The following ZNF385B variants were observed in gnomAD, a reference collection of about 807,000 sequenced individuals.
ZNF385B encodes zinc finger protein 385B, also known as zinc finger protein 533.
Under a neutral mutation model 39.2 loss-of-function variants are expected in ZNF385B, and 23 were observed. That is an observed-to-expected ratio of 0.59 (90% CI 0.42 to 0.83). ZNF385B has a LOEUF of 0.83. Ranked by LOEUF, ZNF385B falls within the 40% of genes least tolerant of loss-of-function variation. The pLI, the probability that ZNF385B is intolerant of heterozygous loss-of-function variation, is 0.00. For synonymous variants in ZNF385B, 205 were observed against 222.6 expected (o/e 0.92, Z 0.70); for missense variants, 552 against 598.9 (o/e 0.92, Z 0.82).
chr2:179,598,509 G>A (rs931412452), intron 3 of ZNF385B, among the ~76,000 whole-genome samples: 2 of 151,998 alleles, frequency 1.3e-5, no homozygotes, highest in Non-Finnish European at 2.9e-5. Flanking sequence ...TTTTTTTGAT[G>A]AGTAAATCGT....
intron 3 of ZNF385B, among the ~76,000 whole-genome samples, chr2:179,653,941 A>G (rs1693463149): frequency 6.6e-6 from 1 of 152,234 alleles, no homozygotes; most frequent in Non-Finnish European, 1.5e-5. Flanking sequence ...TTCCAGAGAA[A>G]GACATAGAGA....
At chr2:179,774,587 G>A (rs1284341828) in intron 1 of ZNF385B, among the ~76,000 whole-genome samples, 1 of 152,088 alleles carries the variant, frequency 6.6e-6, no homozygotes, top group South Asian at 2.1e-4. Context: ...TTGATCTCCT[G>A]ACCTTGTGAT....
At chr2:179,630,021 A>C (rs1691047354) in intron 3 of ZNF385B, among the ~76,000 whole-genome samples, 1 of 152,254 alleles carries the variant, frequency 6.6e-6, no homozygotes, top group Admixed American at 6.5e-5. Flanking sequence ...AGAAGCTCAA[A>C]CTGGGCGGAG....
At chr2:179,843,482 A>T (rs1708647817) in intron 1 of ZNF385B, among the ~76,000 whole-genome samples, 1 of 152,256 alleles carries the variant, frequency 6.6e-6, no homozygotes, top group Non-Finnish European at 1.5e-5. Context: ...TTACTACACA[A>T]GATAAATATT....
chr2:179,656,523 A>G, intron 3 of ZNF385B, among the ~76,000 whole-genome samples: 1 of 152,224 alleles, frequency 6.6e-6, no homozygotes, highest in East Asian at 1.9e-4. Flanking sequence ...ATTAAAACAT[A>G]AATACTGGTG....
chr2:179,784,107 C>T (rs578089929), intron 1 of ZNF385B, among the ~76,000 whole-genome samples: 4 of 151,840 alleles, frequency 2.6e-5, no homozygotes, highest in Non-Finnish European at 5.9e-5. Flanking sequence ...ATAAAGAAAA[C>T]GTGGTAAATG....
At chr2:179,671,000 C>T (rs1336265949) in intron 3 of ZNF385B, among the ~76,000 whole-genome samples, 3 of 152,204 alleles carry the variant, frequency 2.0e-5, no homozygotes, top group African/African-American at 4.8e-5. Flanking sequence ...GATAATGGCA[C>T]CCACCTCACA....
chr2:179,724,857 T>C (rs1276639165), intron 3 of ZNF385B, among the ~76,000 whole-genome samples: 1 of 152,206 alleles, frequency 6.6e-6, no homozygotes, highest in Non-Finnish European at 1.5e-5. Flanking sequence ...ATGCATACAA[T>C]AGTGTCTGCA....
rs374683989 is a variant in ZNF385B at position 179,710,733 on chromosome 2, G to A, written c.298+58770C>T. 1.5e-4 allele frequency among the ~76,000 whole-genome samples: 23 copies of A among 152,252 alleles called. 2 individuals are homozygous for A. Among genetic ancestry groups the A allele is most frequent in the African/African-American group, 5.5e-4 (23 of 41,552 alleles). On this transcript the variant is annotated intron_variant, in intron 3 of 9. Coordinates refer to ENST00000410066, the MANE Select transcript of ZNF385B (RefSeq NM_152520.6). The stretch of plus-strand genomic sequence containing the variant: ...CTAAACATCTCCCCGTCCACCCATA[G>A]ACGGTGTGGTGTGCAGCAAACCTCT...
At chr2:179,732,031 A>T (rs1336371118) in intron 3 of ZNF385B, among the ~76,000 whole-genome samples, 1 of 152,206 alleles carries the variant, frequency 6.6e-6, no homozygotes, top group Non-Finnish European at 1.5e-5. Context: ...ACTTTTTTGG[A>T]TTAAGATCGC....
chr2:179,796,406 G>GCA (rs1705667871), intron 1 of ZNF385B: 1 of 152,052 alleles, frequency 6.6e-6, no homozygotes, highest in African/African-American at 2.4e-5. Flanking sequence ...ACTCCTGTGT[G>GCA]CACATGCATG....
At chr2:179,744,407 T>C (rs940545060) in intron 3 of ZNF385B, among the ~76,000 whole-genome samples, 2 of 151,844 alleles carry the variant, frequency 1.3e-5, no homozygotes, top group Non-Finnish European at 2.9e-5. Flanking sequence ...AAATTGACCA[T>C]TACCATAAAA....
At chr2:179,842,780 T>C (rs1213817500) in intron 1 of ZNF385B, among the ~76,000 whole-genome samples, 1 of 152,194 alleles carries the variant, frequency 6.6e-6, no homozygotes, top group Non-Finnish European at 1.5e-5. Flanking sequence ...CTCATAGTTT[T>C]GCACATGCTA....
intron 1 of ZNF385B, among the ~76,000 whole-genome samples, chr2:179,799,972 C>T (rs1169298873): frequency 1.3e-5 from 2 of 152,020 alleles, no homozygotes; most frequent in African/African-American, 4.8e-5. Context: ...TGAAATGAAT[C>T]GAACATGCTT....
chr2:179,643,992 G>T (rs1692494006), intron 3 of ZNF385B, among the ~76,000 whole-genome samples: 1 of 152,104 alleles, frequency 6.6e-6, no homozygotes, highest in Non-Finnish European at 1.5e-5. Context: ...TGCTTAATTT[G>T]ATTCTCTGAG....
At chr2:179,589,823 A>T (rs1326209635) in intron 3 of ZNF385B, among the ~76,000 whole-genome samples, 1 of 152,242 alleles carries the variant, frequency 6.6e-6, no homozygotes, top group Non-Finnish European at 1.5e-5. Context: ...GTATTGGGCC[A>T]ACTTGAAAAG....
At chr2:179,621,133 A>T (rs1017377385) in intron 3 of ZNF385B, among the ~76,000 whole-genome samples, 3 of 152,164 alleles carry the variant, frequency 2.0e-5, no homozygotes, top group Non-Finnish European at 4.4e-5. Context: ...TCATGAAAGG[A>T]TAACCAAGAA....
chr2:179,819,799 C>T (rs1707294217), intron 1 of ZNF385B, among the ~76,000 whole-genome samples: 1 of 152,124 alleles, frequency 6.6e-6, no homozygotes, highest in African/African-American at 2.4e-5. Context: ...GCCATGTTGT[C>T]AAATTCTATT....
Position 179,588,301 on chromosome 2 carries a change from C to T in ZNF385B, c.299-43332G>A, listed in dbSNP as rs190030404. ...GACGGCGTTTCACCGTGTTAGCGAGCATGGTCTCAATCTCCTGACCTCGTG... is the reference window on the plus strand; with the variant it reads ...GACGGCGTTTCACCGTGTTAGCGAGTATGGTCTCAATCTCCTGACCTCGTG... On this transcript the variant is annotated intron_variant, in intron 3 of 9. Coordinates refer to ENST00000410066, the MANE Select transcript of ZNF385B (RefSeq NM_152520.6). Among the ~76,000 whole-genome samples, 295 of 152,178 alleles carry T rather than the reference C, an allele frequency of 1.9e-3. 1 individual carries two copies. Among genetic ancestry groups the T allele is most frequent in the Middle Eastern group, 0.01 (3 of 294 alleles).
Sources: allele counts gnomAD v4.1 joint callset (sites outside exome capture counted in the v4.1 genomes callset), GRCh38; gene constraint gnomAD v4.1.1; transcripts MANE v1.5; gene names NCBI Gene and HGNC (gene_info 2026-07-23, HGNC 2026-07-21).